The following PPP3CC variants were observed in gnomAD, a reference collection of about 807,000 sequenced individuals.
PPP3CC encodes serine/threonine-protein phosphatase 2B catalytic subunit gamma isoform.
Under a neutral mutation model 60.3 loss-of-function variants are expected in PPP3CC, and 35 were observed. The observed-to-expected ratio is 0.58, with a 90% CI of 0.44 to 0.77. The LOEUF (loss-of-function observed/expected upper bound fraction) is 0.77. Ranked by LOEUF, PPP3CC falls within the 30% of genes least tolerant of loss-of-function variation. The pLI is 0.00. For missense variants in PPP3CC, 570 were observed against 628.9 expected (o/e 0.91, Z 1.00); for synonymous variants, 206 against 224.3 (o/e 0.92, Z 0.73).
intron 4 of PPP3CC, among the ~76,000 whole-genome samples, chr8:22,505,024 A>AT (rs34116717): frequency 0.44 from 51,422 of 115,956 alleles, 12,439 homozygotes; most frequent in East Asian, 0.68. Context: ...CCACGAACCT[A>AT]TTTTTTTTTT....
At position 22,487,773 on chromosome 8, in the gene PPP3CC, C is replaced by T. The variant is rs564875976; in HGVS notation, c.373-10228C>T. On this transcript the variant is annotated intron_variant, in intron 3 of 13. Coordinates refer to ENST00000240139, the MANE Select transcript of PPP3CC (RefSeq NM_005605.5). ...ATATACTGTATTAAAAGCACAGAAG[C>T]TGCCAAAGAGAAAAATGTTATCAGA... Among the ~76,000 whole-genome samples the T allele has an allele frequency of 5.9e-5, 9 of 152,270 alleles. No individual in the cohort carries two copies. In the South Asian group the frequency reaches 1.7e-3, roughly 28 times the overall value.
At chr8:22,528,701 T>G in intron 10 of PPP3CC, 124 bp downstream of exon 10, 1 of 737,884 alleles carries the variant, frequency 1.4e-6, no homozygotes, top group South Asian at 3.6e-5. Context: ...TGTAGAAAAA[T>G]AAAATTTGAA....
intron 1 of PPP3CC, among the ~76,000 whole-genome samples, chr8:22,473,427 C>T (rs1484675763): frequency 6.6e-6 from 1 of 151,348 alleles, no homozygotes; most frequent in East Asian, 1.9e-4. Flanking sequence ...TAGTTATTAG[C>T]ATTTCCAGGT....
At position 22,513,376 on chromosome 8, in the gene PPP3CC, G is replaced by A. The variant is rs1001529963; in HGVS notation, c.714G>A (p.Glu238=). 2 of 1,614,006 alleles carry A rather than the reference G, an allele frequency of 1.2e-6. No homozygotes were observed. Among genetic ancestry groups the A allele is most frequent in the Non-Finnish European group, 1.7e-6 (2 of 1,179,948 alleles). The change falls in exon 6 of 14, where the codon GAG becomes GAA. Residue 238 remains glutamate, a synonymous_variant. Coordinates refer to ENST00000240139, the MANE Select transcript of PPP3CC (RefSeq NM_005605.5). ...ATCCCTCAGAGGATTATGGCAATGA[G>A]AAGACCTTGGAGCACTATACCCACA... ...WSDPSEDYGN[E]KTLEHYTHNT... is the part of the protein sequence containing the mutation.
intron 3 of PPP3CC, among the ~76,000 whole-genome samples, chr8:22,493,398 A>T (rs1195748444): frequency 6.6e-6 from 1 of 151,946 alleles, no homozygotes; most frequent in Non-Finnish European, 1.5e-5. Flanking sequence ...AAGATTTTTA[A>T]TTTTTTTAAC....
chr8:22,492,940 A>G lies in PPP3CC; in HGVS notation c.373-5061A>G, dbSNP rs573442106. 11 of 1,252,658 alleles carry G rather than the reference A, an allele frequency of 8.8e-6. No individual in the cohort carries two copies. In the East Asian group the frequency reaches 2.1e-4, roughly 24 times the overall value. 77.6% of individuals were successfully genotyped at this position (1,252,658 alleles called of 1,614,324 possible). On this transcript the variant is annotated intron_variant, in intron 3 of 13. Coordinates refer to ENST00000240139, the MANE Select transcript of PPP3CC (RefSeq NM_005605.5). Reference sequence around the variant, plus strand: ...AGCATCTTAAACCAGCTTGGTGCACACTGTCTGACTAGTTTAAGGAGACTG... The same window carrying G: ...AGCATCTTAAACCAGCTTGGTGCACGCTGTCTGACTAGTTTAAGGAGACTG...
chr8:22,456,613 T>C (rs1203121023), intron 1 of PPP3CC, among the ~76,000 whole-genome samples: 1 of 152,166 alleles, frequency 6.6e-6, no homozygotes, highest in Non-Finnish European at 1.5e-5. Context: ...TCACCAGTTA[T>C]ACATGCATTC....
chr8:22,477,170 A>G (rs370173224), intron 3 of PPP3CC, among the ~76,000 whole-genome samples: 1 of 152,042 alleles, frequency 6.6e-6, no homozygotes, highest in East Asian at 1.9e-4. Context: ...GTTTCAGTAG[A>G]CATAAGTCAA....
Position 22,522,537 on chromosome 8 carries a change from A to T in PPP3CC, c.817A>T (p.Ile273Phe), listed in dbSNP as rs1020359373. 3 of 1,612,580 alleles carry T rather than the reference A, an allele frequency of 1.9e-6. No homozygotes were observed. Among genetic ancestry groups the T allele is most frequent in the South Asian group, 2.2e-5 (2 of 90,668 alleles). Reference protein sequence around the residue: ...EFLQNNNLLSIIRAHEAQDAG... With the variant: ...EFLQNNNLLSFIRAHEAQDAG... ...TTTGCAGAACAATAATTTACTATCAATTATCAGAGCCCATGAAGCCCAAGA... is the reference window on the plus strand; with the variant it reads ...TTTGCAGAACAATAATTTACTATCATTTATCAGAGCCCATGAAGCCCAAGA... Residue 273 changes from isoleucine (I) to phenylalanine (F), a missense_variant, in exon 7 of 14, where the codon ATT becomes TTT. Physicochemically the swap from Ile to Phe is conservative, Grantham distance 21. Coordinates refer to ENST00000240139, the MANE Select transcript of PPP3CC (RefSeq NM_005605.5).
intron 3 of PPP3CC, among the ~76,000 whole-genome samples, chr8:22,482,784 T>C (rs1215894048): frequency 6.6e-6 from 1 of 152,200 alleles, no homozygotes. Context: ...AGAGGAAGAA[T>C]GTGCCCAAGA....
chr8:22,499,235 C>G (rs559628559), intron 4 of PPP3CC, among the ~76,000 whole-genome samples: 1 of 150,010 alleles, frequency 6.7e-6, no homozygotes, highest in Admixed American at 6.6e-5. Context: ...GTCAGGAGAT[C>G]GAGACCATCC....
At chr8:22,514,638 A>G (rs909854548) in intron 6 of PPP3CC, among the ~76,000 whole-genome samples, 1 of 149,302 alleles carries the variant, frequency 6.7e-6, no homozygotes, top group Non-Finnish European at 1.5e-5. Flanking sequence ...AAACAATCCA[A>G]TTATTACTCT....
intron 1 of PPP3CC, among the ~76,000 whole-genome samples, chr8:22,450,438 T>A (rs892213111): frequency 5.9e-5 from 9 of 152,224 alleles, no homozygotes; most frequent in African/African-American, 2.2e-4. Context: ...CTGATTCAGA[T>A]GACCAGCCTG....
intron 1 of PPP3CC, among the ~76,000 whole-genome samples, chr8:22,465,854 ATTCT>A (rs1334261197): frequency 1.3e-4 from 20 of 152,200 alleles, no homozygotes; most frequent in African/African-American, 4.6e-4. Context: ...TTAAAAAATT[ATTCT>A]TTAAGTTCTA....
At chr8:22,512,314 A>T (rs186466619) in intron 5 of PPP3CC, among the ~76,000 whole-genome samples, 2 of 152,360 alleles carry the variant, frequency 1.3e-5, no homozygotes, top group East Asian at 1.9e-4. Flanking sequence ...ATAGTAAAAT[A>T]TGAATTTTAT....
At chr8:22,459,139 T>C (rs1207624060) in intron 1 of PPP3CC, among the ~76,000 whole-genome samples, 2 of 151,950 alleles carry the variant, frequency 1.3e-5, no homozygotes. Context: ...CAGTCATAGC[T>C]CACTGCAGCC....
At chr8:22,506,222 G>A (rs887427232) in intron 4 of PPP3CC, among the ~76,000 whole-genome samples, 1 of 151,640 alleles carries the variant, frequency 6.6e-6, no homozygotes, top group Non-Finnish European at 1.5e-5. Flanking sequence ...GATCGCTTGA[G>A]CCCAAGAGTT....
At chr8:22,500,005 A>G (rs909149562) in intron 4 of PPP3CC, among the ~76,000 whole-genome samples, 2 of 152,212 alleles carry the variant, frequency 1.3e-5, no homozygotes, top group African/African-American at 2.4e-5. Flanking sequence ...TTAGTTGCTC[A>G]TAGAAGTTGC....
intron 6 of PPP3CC, among the ~76,000 whole-genome samples, chr8:22,520,671 G>A (rs1839382919): frequency 6.6e-6 from 1 of 151,870 alleles, no homozygotes; most frequent in Admixed American, 6.6e-5. Flanking sequence ...CTTTTTTATG[G>A]TTTCTGTTTC....
Sources: gnomAD v4.1 joint callset for allele counts (sites outside exome capture counted in the v4.1 genomes callset) on GRCh38, gnomAD v4.1.1 for gene constraint, MANE v1.5 for transcripts, NCBI Gene and HGNC (gene_info 2026-07-23, HGNC 2026-07-21) for gene names.